HS3ST3A1: variants seen among roughly 807,000 people sequenced by gnomAD.
The protein encoded by HS3ST3A1 is heparan sulfate-glucosamine 3-sulfotransferase 3A1, also known as heparan sulfate glucosamine 3-O-sulfotransferase 3A1.
In HS3ST3A1, 19 loss-of-function variants were observed where a neutral mutation model predicts 25.7. That is an observed-to-expected ratio of 0.74 (90% CI 0.52 to 1.08). HS3ST3A1 has a LOEUF of 1.08. HS3ST3A1 is among the 50% of genes least tolerant of loss of function. The pLI, the probability that HS3ST3A1 is intolerant of heterozygous loss-of-function variation, is 0.00. For synonymous variants in HS3ST3A1, 226 were observed against 278.6 expected (o/e 0.81, Z 1.88); for missense variants, 459 against 594.3 (o/e 0.77, Z 2.37).
chr17:13,500,851 A>G (rs918675618), intron 1 of HS3ST3A1, among the ~76,000 whole-genome samples: 1 of 152,228 alleles, frequency 6.6e-6, no homozygotes, highest in Non-Finnish European at 1.5e-5. Context: ...AATTCACAAT[A>G]GCCAAAGAGT....
At chr17:13,568,626 T>C (rs1021139971) in intron 1 of HS3ST3A1, among the ~76,000 whole-genome samples, 1 of 152,240 alleles carries the variant, frequency 6.6e-6, no homozygotes, top group African/African-American at 2.4e-5. Flanking sequence ...CAGAGTGTTA[T>C]GATTTTGAGG....
intron 1 of HS3ST3A1, among the ~76,000 whole-genome samples, chr17:13,526,742 G>A (rs1906443870): frequency 6.6e-6 from 1 of 151,794 alleles, no homozygotes; most frequent in Non-Finnish European, 1.5e-5. Context: ...CCGCCTCCCA[G>A]GTTCAAGCGA....
intron 1 of HS3ST3A1, among the ~76,000 whole-genome samples, chr17:13,533,092 T>C (rs1906657142): frequency 1.3e-5 from 2 of 152,022 alleles, no homozygotes; most frequent in Admixed American, 6.5e-5. Flanking sequence ...GCTGTAAGAA[T>C]TAAATTGAAT....
chr17:13,543,258 G>T (rs966826965), intron 1 of HS3ST3A1, among the ~76,000 whole-genome samples: 30 of 152,124 alleles, frequency 2.0e-4, no homozygotes, highest in African/African-American at 7.2e-4. Context: ...AAAGTGGGGG[G>T]CAGTCTTGTG....
intron 1 of HS3ST3A1, among the ~76,000 whole-genome samples, chr17:13,507,447 C>T (rs1042924793): frequency 1.3e-5 from 2 of 152,180 alleles, no homozygotes; most frequent in Admixed American, 6.5e-5. Flanking sequence ...TCCCAAACAG[C>T]CAGGGAACAT....
intron 1 of HS3ST3A1, among the ~76,000 whole-genome samples, chr17:13,555,498 C>T (rs886361025): frequency 2.0e-5 from 3 of 152,136 alleles, no homozygotes; most frequent in Admixed American, 6.5e-5. Context: ...CCTGTCTTCT[C>T]CAAGGTCCCC....
chr17:13,558,848 T>TA (rs1383754349), intron 1 of HS3ST3A1, among the ~76,000 whole-genome samples: 1 of 152,110 alleles, frequency 6.6e-6, no homozygotes, highest in Non-Finnish European at 1.5e-5. Flanking sequence ...AATGCCAGTG[T>TA]AAAAAATAGC....
chr17:13,548,707 A>G (rs1907157441), intron 1 of HS3ST3A1, among the ~76,000 whole-genome samples: 1 of 152,204 alleles, frequency 6.6e-6, no homozygotes, highest in Non-Finnish European at 1.5e-5. Context: ...CACTCTGTCT[A>G]GCTAAAGGTT....
intron 1 of HS3ST3A1, among the ~76,000 whole-genome samples, chr17:13,529,594 A>G (rs1480539320): frequency 1.3e-5 from 2 of 152,240 alleles, no homozygotes; most frequent in Non-Finnish European, 1.5e-5. Flanking sequence ...TGAATCTTAG[A>G]AGTCCACAGA....
At chr17:13,579,345 T>C (rs1908037737) in intron 1 of HS3ST3A1, among the ~76,000 whole-genome samples, 1 of 152,134 alleles carries the variant, frequency 6.6e-6, no homozygotes. Context: ...AAAGTATCCC[T>C]TATAATAGTC....
At chr17:13,524,410 A>G (rs931681112) in intron 1 of HS3ST3A1, among the ~76,000 whole-genome samples, 3 of 152,076 alleles carry the variant, frequency 2.0e-5, no homozygotes, top group Non-Finnish European at 4.4e-5. Flanking sequence ...GGCACACACT[A>G]CCACACCCGG....
intron 1 of HS3ST3A1, among the ~76,000 whole-genome samples, chr17:13,566,618 T>G (rs778927226): frequency 2.6e-5 from 4 of 152,124 alleles, no homozygotes; most frequent in African/African-American, 9.7e-5. Context: ...GAAAAGTTCT[T>G]AAAGGAAACA....
At chr17:13,497,595 G>T (rs1487451636) in intron 1 of HS3ST3A1, among the ~76,000 whole-genome samples, 3 of 152,200 alleles carry the variant, frequency 2.0e-5, no homozygotes, top group Non-Finnish European at 4.4e-5. Flanking sequence ...TTGGAGTCTT[G>T]ATACAGCAGA....
chr17:13,560,732 A>G (rs1907521727), intron 1 of HS3ST3A1, among the ~76,000 whole-genome samples: 1 of 152,174 alleles, frequency 6.6e-6, no homozygotes, highest in South Asian at 2.1e-4. Context: ...TCAAAGTGCA[A>G]TTTCAACACA....
chr17:13,600,744 G>T lies in HS3ST3A1; in HGVS notation c.386C>A (p.Ala129Asp). 6.6e-7 allele frequency: 1 copy of T among 1,526,484 alleles called. No homozygotes were observed. The highest frequency in any genetic ancestry group is 8.7e-7 in the Non-Finnish European group (1 of 1,143,888). The allele number at this position is 1,526,484 out of a possible 1,614,324, so 94.6% of individuals were successfully genotyped here. ...GLSGGPGGSG[A>D]GSTVAEAPPG... ...CGGGGCCTCGGCCACGGTGCTTCCG[G>T]CCCCGGAGCCGCCCGGACCCCCTGA... Residue 129 changes from alanine (A) to aspartate (D), a missense_variant, in exon 1 of 2, where the codon GCC becomes GAC. Ala to Asp is a moderately radical substitution (Grantham distance 126, BLOSUM62 -2). Around this residue, in one of 3 missense-constraint regions of HS3ST3A1, gnomAD observed 346 missense variants for 303.9 expected, o/e 1.14. Coordinates refer to ENST00000284110, the MANE Select transcript of HS3ST3A1 (RefSeq NM_006042.3).
intron 1 of HS3ST3A1, among the ~76,000 whole-genome samples, chr17:13,537,886 T>C (rs766927066): frequency 3.3e-5 from 5 of 152,246 alleles, no homozygotes; most frequent in Non-Finnish European, 7.3e-5. Context: ...AATCTTTATT[T>C]CATCAGCCTC....
intron 1 of HS3ST3A1, among the ~76,000 whole-genome samples, chr17:13,597,731 A>C (rs1158826594): frequency 6.6e-6 from 1 of 152,200 alleles, no homozygotes; most frequent in African/African-American, 2.4e-5. Flanking sequence ...CTTTACTACA[A>C]ATGTGCTCAA....
At chr17:13,544,299 C>T (rs1167155870) in intron 1 of HS3ST3A1, among the ~76,000 whole-genome samples, 1 of 152,148 alleles carries the variant, frequency 6.6e-6, no homozygotes, top group Non-Finnish European at 1.5e-5. Context: ...CAACAAAAAG[C>T]CTTAGTGAAA....
At chr17:13,513,935 T>C (rs900237539) in intron 1 of HS3ST3A1, among the ~76,000 whole-genome samples, 1 of 152,152 alleles carries the variant, frequency 6.6e-6, no homozygotes, top group Non-Finnish European at 1.5e-5. Context: ...TCCATTTCAG[T>C]ATATTAAAGT....
Sources: allele counts gnomAD v4.1 joint callset (sites outside exome capture counted in the v4.1 genomes callset), GRCh38; gene constraint gnomAD v4.1.1; regional missense constraint gnomAD v4.1.1; transcripts MANE v1.5; gene names NCBI Gene and HGNC (gene_info 2026-07-23, HGNC 2026-07-21).